Variants in MPDZ observed in about 807,000 individuals in gnomAD.
MPDZ encodes multiple PDZ domain protein.
In MPDZ, 234 loss-of-function variants were observed where a neutral mutation model predicts 239.1. The observed-to-expected ratio is 0.98, with a 90% CI of 0.88 to 1.09. The LOEUF (loss-of-function observed/expected upper bound fraction) is 1.09. Ranked by LOEUF, MPDZ falls within the 50% of genes least tolerant of loss-of-function variation. The probability of loss-of-function intolerance (pLI) is 0.00; values close to 1 mark genes in which losing one functional copy is unlikely to be tolerated. For missense variants in MPDZ, 3,175 were observed against 2,510.0 expected (o/e 1.26, Z -5.66); for synonymous variants, 1,048 against 881.3 (o/e 1.19, Z -3.35).
At chr9:13,224,247 C>G in intron 4 of MPDZ, 127 bp downstream of exon 4, 1 of 863,192 alleles carries the variant, frequency 1.2e-6, no homozygotes, top group Non-Finnish European at 1.7e-6. Flanking sequence ...TCCCACAAAA[C>G]TGACTTTTTG....
chr9:13,164,210 G>A (rs1283937978), intron 22 of MPDZ, among the ~76,000 whole-genome samples: 1 of 152,116 alleles, frequency 6.6e-6, no homozygotes, highest in Admixed American at 6.6e-5. Context: ...ACAGATCAAT[G>A]GATTTAAGAC....
At chr9:13,206,719 T>C (rs1330098981) in intron 10 of MPDZ, among the ~76,000 whole-genome samples, 1 of 152,124 alleles carries the variant, frequency 6.6e-6, no homozygotes, top group Non-Finnish European at 1.5e-5. Flanking sequence ...AATTTTTGTA[T>C]TTTTAGTAAA....
chr9:13,190,447 G>A, intron 15 of MPDZ, 148 bp from the exon 16 acceptor site: 2 of 638,066 alleles, frequency 3.1e-6, no homozygotes, highest in Non-Finnish European at 2.3e-6. Flanking sequence ...AAACCTTTAG[G>A]AATTAAGGTA....
At chr9:13,188,150 T>C (rs1053012227) in intron 17 of MPDZ, among the ~76,000 whole-genome samples, 13 of 152,148 alleles carry the variant, frequency 8.5e-5, no homozygotes, top group African/African-American at 2.2e-4. Flanking sequence ...CCCCATTACA[T>C]TGGTATAGAT....
chr9:13,265,070 G>T (rs1422122831), intron 1 of MPDZ, among the ~76,000 whole-genome samples: 1 of 152,192 alleles, frequency 6.6e-6, no homozygotes, highest in African/African-American at 2.4e-5. Flanking sequence ...AACTCCAGAG[G>T]CTGCCCATAA....
chr9:13,266,736 G>A (rs964169343), intron 1 of MPDZ, among the ~76,000 whole-genome samples: 1 of 152,138 alleles, frequency 6.6e-6, no homozygotes, highest in African/African-American at 2.4e-5. Flanking sequence ...CCATTATTAT[G>A]TGGGGTACTG....
At chr9:13,139,447 T>A (rs1432108157) in intron 28 of MPDZ, among the ~76,000 whole-genome samples, 1 of 152,180 alleles carries the variant, frequency 6.6e-6, no homozygotes, top group Non-Finnish European at 1.5e-5. Flanking sequence ...TGGCACTATC[T>A]AATTGAATGT....
intron 1 of MPDZ, among the ~76,000 whole-genome samples, chr9:13,252,447 T>A (rs1366623054): frequency 1.3e-5 from 2 of 150,352 alleles, no homozygotes; most frequent in Non-Finnish European, 2.9e-5. Flanking sequence ...CAGCCTATAA[T>A]CCCAGCTACT....
At chr9:13,233,467 C>G (rs1963107308) in intron 3 of MPDZ, among the ~76,000 whole-genome samples, 1 of 151,986 alleles carries the variant, frequency 6.6e-6, no homozygotes. Flanking sequence ...ATACTTATCT[C>G]CGAGATAAAG....
At position 13,162,688 on chromosome 9, in the gene MPDZ, T is replaced by C. The variant is rs1158963048; in HGVS notation, c.3359+3A>G. On this transcript the variant is annotated splice_donor_region_variant and intron_variant, in intron 23 of 46. Transcript: ENST00000319217. ...ATTGTATTAGATTTAATGTTTCACT[T>C]ACCTGCCAGTGTATGAAGAAAAAAT... 1.3e-6 allele frequency: 2 copies of C among 1,592,728 alleles called. No individual in the cohort carries two copies. The highest frequency in any genetic ancestry group is 1.7e-6 in the Non-Finnish European group (2 of 1,162,870).
chr9:13,194,488 T>C lies in MPDZ; in HGVS notation c.1657-1175A>G, dbSNP rs1347217273. On this transcript the variant is annotated intron_variant, in intron 13 of 46. Coordinates refer to ENST00000319217, the MANE Select transcript of MPDZ (RefSeq NM_001378778.1). Reference sequence around the variant, plus strand: ...ATATGTTCTCACTCATAAGTGGGAGTTGAACAATGAGAATACAAGGACACA... The same window carrying C: ...ATATGTTCTCACTCATAAGTGGGAGCTGAACAATGAGAATACAAGGACACA... 2.7e-5 allele frequency among the ~76,000 whole-genome samples: 4 copies of C among 150,934 alleles called. No individual in the cohort carries two copies. The East Asian group carries it at 7.8e-4, about 30-fold the overall frequency.
rs544465599 is a variant in MPDZ at position 13,153,278 on chromosome 9, A to G, written c.3453-2590T>C. Among the ~76,000 whole-genome samples the G allele has an allele frequency of 5.3e-5, 8 of 152,118 alleles. No individual in the cohort carries two copies. In the East Asian group the frequency reaches 1.6e-3, roughly 30 times the overall value. ...TCTTTTTCTTGACTGCAAATCTATA[A>G]CTCTAGAAACTCTACCTGTTTAGTT... On this transcript the variant is annotated intron_variant, in intron 24 of 46. Transcript: ENST00000319217.
intron 46 of MPDZ, among the ~76,000 whole-genome samples, chr9:13,108,034 T>TACA (rs1208670513): frequency 6.6e-6 from 1 of 152,124 alleles, no homozygotes; most frequent in African/African-American, 2.4e-5. Flanking sequence ...TTGTTGTAGG[T>TACA]ACAACACTTT....
In MPDZ at chr9:13,221,354, T is replaced by A; in HGVS notation, c.876+18A>T. 6.3e-7 allele frequency: 1 copy of A among 1,583,004 alleles called. No individual in the cohort carries two copies. The highest frequency in any genetic ancestry group is 8.6e-7 in the Non-Finnish European group (1 of 1,165,244). ...TTATTTGATAAAATAGCATAAAAGATCTATTGATGTAGCCTACCTGATCAG... is the reference window on the plus strand; with the variant it reads ...TTATTTGATAAAATAGCATAAAAGAACTATTGATGTAGCCTACCTGATCAG... On this transcript the variant is annotated intron_variant, in intron 7 of 46. Coordinates refer to ENST00000319217, the MANE Select transcript of MPDZ (RefSeq NM_001378778.1).
intron 19 of MPDZ, among the ~76,000 whole-genome samples, chr9:13,182,666 G>GA (rs374757826): frequency 0.01 from 1,520 of 151,862 alleles, 34 homozygotes; most frequent in African/African-American, 0.035. Flanking sequence ...CCAATATTAT[G>GA]AAAAAAACAT....
At chr9:13,175,730 A>C in intron 21 of MPDZ, 22 bp downstream of exon 21, 1 of 1,561,536 alleles carries the variant, frequency 6.4e-7, no homozygotes, top group Non-Finnish European at 8.7e-7. Context: ...GAGTAGGTAT[A>C]TGAGGAAAAT....
chr9:13,155,530 C>T (rs562272893), intron 24 of MPDZ, among the ~76,000 whole-genome samples: 9 of 151,930 alleles, frequency 5.9e-5, no homozygotes, highest in East Asian at 1.9e-4. Context: ...GATAGATTTA[C>T]AAAACGTCAA....
At chr9:13,235,164 A>G (rs1009263248) in intron 3 of MPDZ, among the ~76,000 whole-genome samples, 11 of 152,154 alleles carry the variant, frequency 7.2e-5, no homozygotes, top group African/African-American at 2.7e-4. Context: ...ACTCTGATTT[A>G]ATGACCCTTA....
chr9:13,115,112 C>G (rs1170488230), intron 40 of MPDZ, 136 bp downstream of exon 40: 12 of 669,434 alleles, frequency 1.8e-5, no homozygotes, highest in Non-Finnish European at 2.9e-5. Context: ...TCTTCTCTGT[C>G]TCAAACTCTG....
Sources: allele counts gnomAD v4.1 joint callset (sites outside exome capture counted in the v4.1 genomes callset), GRCh38; gene constraint gnomAD v4.1.1; transcripts MANE v1.5; gene names NCBI Gene and HGNC (gene_info 2026-07-23, HGNC 2026-07-21).